The following SNTG1 variants were observed in gnomAD, a reference collection of about 807,000 sequenced individuals.
The protein encoded by SNTG1 is syntrophin gamma 1, also known as gamma-1-syntrophin.
SNTG1 carries 39 observed loss-of-function variants against 74.7 expected under a neutral mutation model. That is an observed-to-expected ratio of 0.52 (90% CI 0.40 to 0.68). The LOEUF is 0.68. Among genes scored for constraint, SNTG1 ranks in the 30% least tolerant of loss-of-function variants. The pLI, the probability that SNTG1 is intolerant of heterozygous loss-of-function variation, is 0.00. For missense variants in SNTG1, 685 were observed against 609.5 expected, an observed-to-expected ratio of 1.12 and a Z score of -1.30; for synonymous variants, 254 against 217.1, an observed-to-expected ratio of 1.17 and a Z score of -1.49.
intron 1 of SNTG1, among the ~76,000 whole-genome samples, chr8:50,052,791 G>A (rs1819687260): frequency 6.6e-6 from 1 of 152,062 alleles, no homozygotes; most frequent in Non-Finnish European, 1.5e-5. Context: ...AAACACATAT[G>A]CACCATATGC....
intron 3 of SNTG1, among the ~76,000 whole-genome samples, chr8:50,400,122 C>A (rs189991708): frequency 6.6e-6 from 1 of 152,116 alleles, no homozygotes; most frequent in Admixed American, 6.5e-5. Flanking sequence ...AATATTACAG[C>A]GGATTCTTTT....
Position 50,509,183 on chromosome 8 carries a change from T to G in SNTG1, c.466+6303T>G, listed in dbSNP as rs573493856. ...CACCATTTATTAAATAGGGAATCCT[T>G]TCCCCATTGCTTGTTTTTGTCAGGT... On this transcript the variant is annotated intron_variant, in intron 9 of 18. Coordinates refer to ENST00000642720, the MANE Select transcript of SNTG1 (RefSeq NM_018967.5). 4.6e-3 allele frequency among the ~76,000 whole-genome samples: 706 copies of G among 152,314 alleles called. 6 individuals carry two copies. Among genetic ancestry groups the G allele is most frequent in the African/African-American group, 0.016 (678 of 41,572 alleles).
intron 18 of SNTG1, 107 bp from the exon 19 acceptor site, chr8:50,792,564 C>A: frequency 8.7e-7 from 1 of 1,152,998 alleles, no homozygotes; most frequent in Non-Finnish European, 1.2e-6. Flanking sequence ...TGTTACATAT[C>A]ATAGATTCTA....
intron 2 of SNTG1, among the ~76,000 whole-genome samples, chr8:50,174,815 C>G (rs1166658134): frequency 1.3e-5 from 2 of 151,610 alleles, no homozygotes; most frequent in Non-Finnish European, 2.9e-5. Flanking sequence ...CACCCATTAA[C>G]TCATCATTTA....
At chr8:50,527,759 A>G (rs181109622) in intron 9 of SNTG1, among the ~76,000 whole-genome samples, 2 of 152,172 alleles carry the variant, frequency 1.3e-5, no homozygotes, top group East Asian at 3.9e-4. Flanking sequence ...CAATTTGCAT[A>G]AAAAATGTAT....
At position 50,314,650 on chromosome 8, in the gene SNTG1, C is replaced by G. The variant is rs560639045; in HGVS notation, c.-27-79562C>G. On this transcript the variant is annotated intron_variant, in intron 2 of 18. Coordinates refer to ENST00000642720, the MANE Select transcript of SNTG1 (RefSeq NM_018967.5). ...TTGCTATTTCCTGAAAGTGTCTTAT[C>G]ATTTCTAAAATCATGCTCTTCTTTA... 2.4e-4 allele frequency among the ~76,000 whole-genome samples: 36 copies of G among 150,120 alleles called. 2 individuals carry two copies. The highest frequency in any genetic ancestry group is 8.7e-4 in the African/African-American group (35 of 40,328).
intron 5 of SNTG1, among the ~76,000 whole-genome samples, chr8:50,443,684 G>A (rs566034769): frequency 1.3e-5 from 2 of 152,146 alleles, no homozygotes; most frequent in Admixed American, 6.6e-5. Context: ...AAGCAGTAGA[G>A]TTGGACCTCA....
intron 3 of SNTG1, among the ~76,000 whole-genome samples, chr8:50,399,944 C>T (rs1328367844): frequency 5.9e-5 from 9 of 152,110 alleles, no homozygotes. Context: ...CATGAAAAAG[C>T]TTCTGTTTTT....
At chr8:50,275,349 C>A (rs1195398126) in intron 2 of SNTG1, among the ~76,000 whole-genome samples, 1 of 151,876 alleles carries the variant, frequency 6.6e-6, no homozygotes, top group Non-Finnish European at 1.5e-5. Flanking sequence ...TATATTTGTT[C>A]TTTGTTATTT....
rs142883066 is a variant in SNTG1 at position 50,409,670 on chromosome 8, C to G, written c.162+7326C>G. On this transcript the variant is annotated intron_variant, in intron 4 of 18. Coordinates refer to ENST00000642720, the MANE Select transcript of SNTG1 (RefSeq NM_018967.5). ...TCATCCTTCTGAATGGTTTACCACT[C>G]TAAGTCAGAGATATCTGTGGCTGTT... Among the ~76,000 whole-genome samples, 24 of 152,302 alleles carry G rather than the reference C, an allele frequency of 1.6e-4. No individual in the cohort carries two copies. The East Asian group carries it at 4.1e-3, about 26-fold the overall frequency.
At chr8:50,691,092 A>G (rs1219282415) in intron 15 of SNTG1, among the ~76,000 whole-genome samples, 1 of 151,338 alleles carries the variant, frequency 6.6e-6, no homozygotes, top group South Asian at 2.1e-4. Flanking sequence ...TTTGTTTTCC[A>G]TTTGCTTGGT....
intron 9 of SNTG1, among the ~76,000 whole-genome samples, chr8:50,503,851 T>C (rs2093984242): frequency 6.6e-6 from 1 of 152,196 alleles, no homozygotes; most frequent in Non-Finnish European, 1.5e-5. Flanking sequence ...GTTCTTTTAT[T>C]TAACTTTTAT....
At chr8:50,230,599 G>T (rs1162583035) in intron 2 of SNTG1, among the ~76,000 whole-genome samples, 2 of 151,240 alleles carry the variant, frequency 1.3e-5, no homozygotes, top group African/African-American at 4.8e-5. Flanking sequence ...GGACAAGATC[G>T]TTTCATTTGC....
At chr8:50,287,303 C>G (rs1033207134) in intron 2 of SNTG1, among the ~76,000 whole-genome samples, 1 of 152,138 alleles carries the variant, frequency 6.6e-6, no homozygotes. Context: ...CTGTAGTTGT[C>G]ATATTTTTCT....
chr8:50,016,156 G>GT (rs1488918573), intron 1 of SNTG1, among the ~76,000 whole-genome samples: 1 of 152,072 alleles, frequency 6.6e-6, no homozygotes, highest in Admixed American at 6.6e-5. Flanking sequence ...TTTCGTGCAA[G>GT]TTTGGCCTTG....
chr8:50,143,682 T>C (rs549378814), intron 1 of SNTG1, among the ~76,000 whole-genome samples: 43 of 152,334 alleles, frequency 2.8e-4, no homozygotes, highest in African/African-American at 9.6e-4. Flanking sequence ...AGAACCAATA[T>C]GTTACTGTTT....
chr8:50,702,790 G>A (rs923659823), intron 15 of SNTG1, among the ~76,000 whole-genome samples: 5 of 152,162 alleles, frequency 3.3e-5, no homozygotes, highest in African/African-American at 1.2e-4. Context: ...AGGTTATACA[G>A]TACAGCCTAT....
chr8:49,978,977 C>G (rs535714967), intron 1 of SNTG1, among the ~76,000 whole-genome samples: 1 of 152,332 alleles, frequency 6.6e-6, no homozygotes, highest in African/African-American at 2.4e-5. Flanking sequence ...AGGTAATCTT[C>G]TTCCACACTT....
intron 1 of SNTG1, among the ~76,000 whole-genome samples, chr8:50,068,242 G>C (rs1821062100): frequency 6.6e-6 from 1 of 152,108 alleles, no homozygotes; most frequent in Non-Finnish European, 1.5e-5. Context: ...CGGACTGAGA[G>C]AGGCTCTGGG....
Sources: gnomAD v4.1 joint callset for allele counts (sites outside exome capture counted in the v4.1 genomes callset) on GRCh38, gnomAD v4.1.1 for gene constraint, MANE v1.5 for transcripts, NCBI Gene and HGNC (gene_info 2026-07-23, HGNC 2026-07-21) for gene names.